Variants in MATN4 observed in about 807,000 individuals in gnomAD.
MATN4 encodes the protein matrilin-4.
Under a neutral mutation model 54.6 loss-of-function variants are expected in MATN4, and 40 were observed. The observed-to-expected ratio is 0.73, with a 90% CI of 0.57 to 0.95. The LOEUF (loss-of-function observed/expected upper bound fraction) is 0.95, where lower values mean the gene tolerates loss of function less well. MATN4 is among the 40% of genes least tolerant of loss of function. The pLI is 0.00. For synonymous variants in MATN4, 351 were observed against 345.3 expected (o/e 1.02, Z -0.18); for missense variants, 810 against 819.1 (o/e 0.99, Z 0.13).
intron 6 of MATN4, among the ~76,000 whole-genome samples, chr20:45,300,598 G>C (rs764229052): frequency 4.0e-5 from 6 of 151,840 alleles, no homozygotes; most frequent in Non-Finnish European, 7.4e-5. Context: ...AATACTTAGG[G>C]GTAAGTCATT....
chr20:45,305,033 G>A (rs573480664), intron 2 of MATN4, among the ~76,000 whole-genome samples: 85 of 152,254 alleles, frequency 5.6e-4, no homozygotes, highest in Non-Finnish European at 9.8e-4. Flanking sequence ...ACCCATTGAC[G>A]AGGGGGCAAG....
Position 45,300,845 on chromosome 20 carries a change from T to A in MATN4, c.1012+42A>T, listed in dbSNP as rs780010914. 1.9e-6 allele frequency: 3 copies of A among 1,607,574 alleles called. No homozygotes were observed. The African/African-American group carries it at 4.0e-5, about 21-fold the overall frequency. The stretch of plus-strand genomic sequence containing the variant: ...TCAAGGACACTCCAAATGTGGGCAA[T>A]GGGGCAGAAGCCAACAGAACACCCT... On this transcript the variant is annotated intron_variant, in intron 6 of 9. Coordinates refer to ENST00000372756, the MANE Select transcript of MATN4 (RefSeq NM_001393530.1).
chr20:45,298,479 C>T lies in MATN4; in HGVS notation c.1117G>A (p.Asp373Asn). Residue 373 changes from aspartate (D) to asparagine (N), a missense_variant, in exon 7 of 10, where the codon GAC (aspartate) becomes AAC (asparagine). Physicochemically the swap from Asp to Asn is conservative, Grantham distance 23. Coordinates refer to ENST00000372756, the MANE Select transcript of MATN4 (RefSeq NM_001393530.1). This position sits in a 1 kb window ranked among gnomAD's most constrained non-coding sequence, Gnocchi z 4.6. ...LVKRFVNQIV[D>N]FLDVSPEGTR... ...CCCTCGGGGGACACATCTAGGAAGT[C>T]CACAATCTGGTTCACGAAGCGCTTC... The T allele has an allele frequency of 6.2e-7, 1 of 1,613,790 alleles. No homozygotes were observed. Among genetic ancestry groups the T allele is most frequent in the South Asian group, 1.1e-5 (1 of 91,050 alleles).
rs1986478847 is a variant in MATN4 at position 45,304,813 on chromosome 20, G to A, written c.74-16C>T. The A allele has an allele frequency of 4.6e-6, 7 of 1,534,028 alleles. No individual in the cohort carries two copies. The South Asian group carries it at 6.0e-5, about 13-fold the overall frequency. On this transcript the variant is annotated splice_polypyrimidine_tract_variant and intron_variant, in intron 2 of 9. Transcript: ENST00000372756. Reference sequence around the variant, plus strand: ...CACCTGGGACCTGCGGGGAGATCAGGGAGGACTCTCCTAGGTCAGCAAAGC... The same window carrying A: ...CACCTGGGACCTGCGGGGAGATCAGAGAGGACTCTCCTAGGTCAGCAAAGC...
chr20:45,306,817 AC>A, intron 1 of MATN4: 1 of 898,714 alleles, frequency 1.1e-6, no homozygotes, highest in East Asian at 3.3e-5. Context: ...ACAGGATATA[AC>A]CCGCGCAAGA....
chr20:45,304,294 C>T lies in MATN4; in HGVS notation c.577G>A (p.Val193Ile), dbSNP rs202071474. ...AGGTCGAAGGACTCTACGAGGAAGA[C>T]GTGCTCGTCTAGCGGGGGCGATGCC... ...AMASPPLDEH[V>I]FLVESFDLIQ... is the part of the protein sequence containing the mutation. The change falls in exon 3 of 10, where the codon GTC (valine) becomes ATC (isoleucine). Residue 193 changes from valine to isoleucine, a missense_variant. Transcript: ENST00000372756. 4 of 1,551,062 alleles carry T rather than the reference C, an allele frequency of 2.6e-6. No individual in the cohort carries two copies. The highest frequency in any genetic ancestry group is 1.7e-6 in the Non-Finnish European group (2 of 1,151,594).
chr20:45,301,509 C>T, intron 3 of MATN4, 66 bp from the exon 4 acceptor site: 1 of 1,535,600 alleles, frequency 6.5e-7, no homozygotes, highest in Non-Finnish European at 8.8e-7. Context: ...GCACAACCAC[C>T]TAAGGAAATT....
Position 45,293,654 on chromosome 20 carries a change from A to T in MATN4, c.*113T>A, listed in dbSNP as rs1016338803. 21 of 1,019,728 alleles carry T rather than the reference A, an allele frequency of 2.1e-5. No homozygotes were observed. In the African/African-American group the frequency reaches 3.6e-4, roughly 18 times the overall value. 63.2% of individuals were successfully genotyped at this position (1,019,728 alleles called of 1,614,324 possible). On this transcript the variant is annotated 3_prime_UTR_variant, in exon 10 of 10. Transcript: ENST00000372756. The stretch of plus-strand genomic sequence containing the variant: ...GAAGCCCGCCAGCGCCTCCGCCCCG[A>T]CAGCCCAAGCCGGACGGGCCCAGGT...
intron 1 of MATN4, among the ~76,000 whole-genome samples, chr20:45,306,664 CT>C (rs1318331428): frequency 6.6e-6 from 1 of 152,268 alleles, no homozygotes. Context: ...GGCTTGGCGC[CT>C]GTTTCCCGCC....
At position 45,304,577 on chromosome 20, in the gene MATN4, C is replaced by A; in HGVS notation, c.294G>T (p.Glu98Asp). ...LRAFSRREDM[E>D]RAIRDLVPLA... is the part of the protein sequence containing the mutation. ...GAGGCACCAGGTCGCGGATGGCGCG[C>A]TCCATGTCCTCGCGGCGAGAGAACG... The change falls in exon 3 of 10, where the codon GAG (glutamate) becomes GAT (aspartate). Residue 98 changes from glutamate (E) to aspartate (D), a missense_variant. By Grantham distance (45) the Glu-to-Asp change is conservative. Transcript: ENST00000372756. The A allele has an allele frequency of 6.3e-7, 1 of 1,599,126 alleles. No homozygotes were observed. Among genetic ancestry groups the A allele is most frequent in the African/African-American group, 1.3e-5 (1 of 74,816 alleles).
At position 45,293,994 on chromosome 20, in the gene MATN4, G is replaced by A; in HGVS notation, c.1601C>T (p.Thr534Ile). The A allele has an allele frequency of 1.2e-6, 2 of 1,602,732 alleles. No homozygotes were observed. Among genetic ancestry groups the A allele is most frequent in the Non-Finnish European group, 1.7e-6 (2 of 1,179,750 alleles). The change falls in exon 9 of 10, where the codon ACA becomes ATA. Residue 534 changes from threonine to isoleucine, a missense_variant. By Grantham distance (89) the Thr-to-Ile change is moderately conservative. Transcript: ENST00000372756. Reference sequence around the variant, plus strand: ...GCATTCGCATGGGCTCCGAAGCTCTGTCCCTGCGCTGATGCCCTCCTCTGC... The same window carrying A: ...GCATTCGCATGGGCTCCGAAGCTCTATCCCTGCGCTGATGCCCTCCTCTGC... ...ICPEEGISAG[T>I]ELRSPCECES... is the part of the protein sequence containing the mutation.
chr20:45,305,559 G>A lies in MATN4; in HGVS notation c.24C>T (p.Pro8=), dbSNP rs886837895. 3 of 1,560,652 alleles carry A rather than the reference G, an allele frequency of 1.9e-6. No individual in the cohort carries two copies. The highest frequency in any genetic ancestry group is 1.9e-5 in the Admixed American group (1 of 52,096). Residue 8 remains proline (P), a synonymous_variant, in exon 2 of 10, where the codon CCC becomes CCT. Transcript: ENST00000372756. ...AGGGCTGAAGAAGGAGCAGCAACAC[G>A]GGCCAGCAAAGAAGGCCTCTCATGG... MRGLLCW[P]VLLLLLQPWE...
Position 45,293,776 on chromosome 20 carries a change from G to T in MATN4, c.1737C>A (p.Asn579Lys). 6.2e-7 allele frequency: 1 copy of T among 1,608,578 alleles called. No individual in the cohort carries two copies. Among genetic ancestry groups the T allele is most frequent in the East Asian group, 2.2e-5 (1 of 44,858 alleles). Residue 579 changes from asparagine to lysine, a missense_variant, in exon 10 of 10, where the codon AAC becomes AAA. Physicochemically the swap from Asn to Lys is moderately conservative, Grantham distance 94. Transcript: ENST00000372756. The part of the protein sequence containing the change: ...RLEDLENQLA[N>K]QK ...GGGCCGTCCGTGGCCCTCACTTCTG[G>T]TTGGCCAGCTGGTTCTCCAGATCCT...
chr20:45,296,275 T>C (rs1219039979), intron 8 of MATN4, among the ~76,000 whole-genome samples: 3 of 105,816 alleles, frequency 2.8e-5, no homozygotes, highest in African/African-American at 1.1e-4. Flanking sequence ...AAAAAAATGC[T>C]ACAATAAAAG....
intron 3 of MATN4, among the ~76,000 whole-genome samples, chr20:45,302,077 G>T (rs1326779394): frequency 6.6e-6 from 1 of 152,126 alleles, no homozygotes; most frequent in African/African-American, 2.4e-5. Flanking sequence ...ATACACAAGT[G>T]TGTAAACCAA....
At chr20:45,296,162 C>A (rs940056976) in intron 8 of MATN4, among the ~76,000 whole-genome samples, 1 of 137,498 alleles carries the variant, frequency 7.3e-6, no homozygotes, top group Non-Finnish European at 1.5e-5. Flanking sequence ...TTGCAGTAAG[C>A]CGAGATCGCA....
chr20:45,297,146 T>TA (rs59982732), intron 8 of MATN4, among the ~76,000 whole-genome samples: 32,572 of 140,504 alleles, frequency 0.23, 3,690 homozygotes, highest in Middle Eastern at 0.31. Context: ...TACATATATC[T>TA]AAAAAAAAAA....
chr20:45,308,090 G>A (rs1025108631), intron 1 of MATN4, 85 bp downstream of exon 1: 23 of 1,304,856 alleles, frequency 1.8e-5, no homozygotes, highest in East Asian at 2.3e-5. Context: ...CCTAGGCAGC[G>A]TCTCTGCTAA....
intron 8 of MATN4, among the ~76,000 whole-genome samples, chr20:45,296,214 C>CA (rs71181820): frequency 0.014 from 487 of 35,484 alleles, 72 homozygotes; most frequent in Middle Eastern, 0.1. Context: ...GACTCCATCT[C>CA]AAAAAAAAAA....
Sources: allele counts gnomAD v4.1 joint callset (sites outside exome capture counted in the v4.1 genomes callset), GRCh38; gene constraint gnomAD v4.1.1; non-coding constraint Gnocchi (gnomAD v3.1); transcripts MANE v1.5; gene names NCBI Gene and HGNC (gene_info 2026-07-23, HGNC 2026-07-21).